Variants in ZC4H2 observed in about 807,000 individuals in gnomAD.
The protein encoded by ZC4H2 is zinc finger C4H2-type containing.
For missense variants in ZC4H2, 137 were observed against 173.9 expected, an observed-to-expected ratio of 0.79 and a Z score of 1.19; for synonymous variants, 84 against 66.3, an observed-to-expected ratio of 1.27 and a Z score of -1.30.
At chrX:64,949,895 G>A (rs770967487) in intron 1 of ZC4H2, among the ~76,000 whole-genome samples, 40 of 111,375 alleles carry the variant, frequency 3.6e-4, no homozygotes, top group African/African-American at 1.3e-3. Flanking sequence ...GCTAGCTTTT[G>A]AATGTGTTTG....
At chrX:64,981,111 A>G (rs1337791466), upstream of ZC4H2, among the ~76,000 whole-genome samples, 1 of 110,358 alleles carries the variant, frequency 9.1e-6, no homozygotes, top group Admixed American at 9.7e-5. Flanking sequence ...TGCTTAGCCT[A>G]TGAAAAAAAA....
In ZC4H2 at chrX:65,023,016, A is replaced by G. The variant is rs766266129; in HGVS notation, c.-272+11613T>C. Among the ~76,000 whole-genome samples the G allele has an allele frequency of 1.4e-3, 153 of 111,564 alleles. 1 individual carries two copies. Among genetic ancestry groups the G allele is most frequent in the African/African-American group, 4.9e-3 (150 of 30,703 alleles). ...GGCTTCTGTTCTGTTCCATTGGTCT[A>G]TATATCTGTTTTGGTACCAGTACCA... On this transcript the variant is annotated intron_variant, in intron 1 of 4. Transcript: ENST00000337990.
chrX:64,926,386 T>G, intron 1 of ZC4H2, among the ~76,000 whole-genome samples: 1 of 112,114 alleles, frequency 8.9e-6, no homozygotes, highest in South Asian at 3.8e-4. Flanking sequence ...TGTACAAGTT[T>G]TATGGTAACC....
intron 1 of ZC4H2, among the ~76,000 whole-genome samples, chrX:64,950,914 T>A (rs747718947): frequency 9.0e-6 from 1 of 110,619 alleles, no homozygotes; most frequent in South Asian, 3.9e-4. Flanking sequence ...CATTAACTCG[T>A]CATTTAGCAT....
intron 1 of ZC4H2, among the ~76,000 whole-genome samples, chrX:64,942,986 G>C (rs892046267): frequency 8.9e-6 from 1 of 112,015 alleles, no homozygotes; most frequent in Non-Finnish European, 1.9e-5. Context: ...CCTCTACTGC[G>C]TCTTTTGTTT....
chrX:64,936,671 C>A (rs760439100), intron 1 of ZC4H2, among the ~76,000 whole-genome samples: 54 of 111,241 alleles, frequency 4.9e-4, no homozygotes, highest in African/African-American at 1.6e-3. Context: ...TCCACCCAAA[C>A]TAAGCTTCAT....
intron 1 of ZC4H2, among the ~76,000 whole-genome samples, chrX:65,021,109 C>A (rs1035073217): frequency 9.0e-6 from 1 of 110,623 alleles, no homozygotes; most frequent in African/African-American, 3.3e-5. Flanking sequence ...CAATATTAGA[C>A]AGATCAATGA....
chrX:65,032,258 T>TAA (rs943238462), intron 1 of ZC4H2, among the ~76,000 whole-genome samples: 1 of 112,127 alleles, frequency 8.9e-6, no homozygotes, highest in Non-Finnish European at 1.9e-5. Flanking sequence ...TATACACTGA[T>TAA]AAAAAAATGT....
At chrX:64,962,970 A>AT (rs749029643) in intron 1 of ZC4H2, among the ~76,000 whole-genome samples, 16 of 109,537 alleles carry the variant, frequency 1.5e-4, no homozygotes, top group South Asian at 1.2e-3. Flanking sequence ...TCCCAATGGC[A>AT]TTTTTTTTTA....
At chrX:64,972,391 C>T (rs1931812030) in intron 1 of ZC4H2, among the ~76,000 whole-genome samples, 1 of 111,528 alleles carries the variant, frequency 9.0e-6, no homozygotes. Context: ...AGGCTCTTAG[C>T]TTGACTTCAA....
At chrX:64,963,237 C>T (rs746709895) in intron 1 of ZC4H2, among the ~76,000 whole-genome samples, 15 of 111,608 alleles carry the variant, frequency 1.3e-4, no homozygotes, top group African/African-American at 3.9e-4. Flanking sequence ...CACATGCAAA[C>T]GTATAACATT....
At chrX:64,972,214 G>A (rs1038207311) in intron 1 of ZC4H2, among the ~76,000 whole-genome samples, 1 of 111,562 alleles carries the variant, frequency 9.0e-6, no homozygotes, top group African/African-American at 3.3e-5. Flanking sequence ...AGTGTGATTG[G>A]GATTGGGAGG....
At chrX:64,984,812 T>C (rs138086649) in intron 1 of ZC4H2, among the ~76,000 whole-genome samples, 125 of 112,402 alleles carry the variant, frequency 1.1e-3, no homozygotes, top group African/African-American at 3.8e-3. Flanking sequence ...TTTGTTAAAC[T>C]ACAAACTAAA....
At chrX:64,954,350 A>G (rs747865713) in intron 1 of ZC4H2, among the ~76,000 whole-genome samples, 1 of 70,795 alleles carries the variant, frequency 1.4e-5, no homozygotes, top group African/African-American at 1.0e-4. Flanking sequence ...TTATATATAT[A>G]TATAATTATA....
Position 64,915,904 on chromosome X carries a change from G to C in ZC4H2, c.*1879C>G. The C allele has an allele frequency of 8.9e-6, 1 of 111,972 alleles. No individual in the cohort carries two copies. The highest frequency in any genetic ancestry group is 4.6e-3 in the Middle Eastern group (1 of 218). The allele number at this position is 111,972 out of a possible 1,213,427, so 9.2% of individuals were successfully genotyped here. A position where few individuals can be genotyped will look rare whatever the true frequency, so the allele number is the denominator to read the frequency against. Reference sequence around the variant, plus strand: ...AGATTAGTGTACAGGATATTATTTAGAGAGCCCTTGGCCTTTATATCCCTG... The same window carrying C: ...AGATTAGTGTACAGGATATTATTTACAGAGCCCTTGGCCTTTATATCCCTG... On this transcript the variant is annotated 3_prime_UTR_variant, in exon 5 of 5. Coordinates refer to ENST00000374839, the MANE Select transcript of ZC4H2 (RefSeq NM_018684.4).
intron 1 of ZC4H2, among the ~76,000 whole-genome samples, chrX:65,010,840 T>C (rs1180335508): frequency 8.9e-6 from 1 of 112,284 alleles, no homozygotes; most frequent in African/African-American, 3.2e-5. Context: ...TGATAGGACA[T>C]GGAGAGATTA....
intron 1 of ZC4H2, among the ~76,000 whole-genome samples, chrX:65,007,200 G>C (rs913765152): frequency 7.2e-5 from 8 of 111,591 alleles, no homozygotes; most frequent in African/African-American, 2.6e-4. Context: ...CTTTCTGAGG[G>C]ATAGTTTCTG....
intron 1 of ZC4H2, among the ~76,000 whole-genome samples, chrX:64,960,620 G>C (rs1931352106): frequency 8.9e-6 from 1 of 111,983 alleles, no homozygotes; most frequent in Non-Finnish European, 1.9e-5. Context: ...GACTTATAGG[G>C]ATAAAACTGA....
intron 1 of ZC4H2, among the ~76,000 whole-genome samples, chrX:64,985,210 AC>A (rs1231827723): frequency 2.7e-5 from 3 of 111,682 alleles, no homozygotes; most frequent in East Asian, 5.6e-4. Context: ...TTGGATAGAT[AC>A]CCAATAGTGG....
Sources: allele counts gnomAD v4.1 joint callset (sites outside exome capture counted in the v4.1 genomes callset), GRCh38; gene constraint gnomAD v4.1.1; transcripts MANE v1.5; gene names NCBI Gene and HGNC (gene_info 2026-07-23, HGNC 2026-07-21).